The following SYNE2 variants were observed in gnomAD, a reference collection of about 807,000 sequenced individuals.
SYNE2 encodes the protein nesprin-2.
A neutral mutation model predicts 856.3 loss-of-function variants in SYNE2; 431 were observed. The ratio of observed to expected loss-of-function variants is 0.50; its 90% CI spans 0.47 to 0.55. The LOEUF (loss-of-function observed/expected upper bound fraction) is 0.55, where lower values mean the gene tolerates loss of function less well. Ranked by LOEUF, SYNE2 falls within the 20% of genes least tolerant of loss-of-function variation. The pLI is 0.00. For synonymous variants in SYNE2, 2,923 were observed against 2,872.3 expected (o/e 1.02, Z -0.56); for missense variants, 8,129 against 8,023.2 (o/e 1.01, Z -0.50).
chr14:63,765,513 C>T (rs1274426062), intron 1 of SYNE2, among the ~76,000 whole-genome samples: 2 of 152,034 alleles, frequency 1.3e-5, no homozygotes, highest in African/African-American at 2.4e-5. Context: ...CCACCATGCC[C>T]GGCTAATTTT....
rs146801942 is a variant in SYNE2, at chr14:64,017,619, T to C, written c.4912T>C (p.Tyr1638His). 1,468 of 1,612,654 alleles carry C rather than the reference T, an allele frequency of 9.1e-4. 1 individual carries two copies. Among genetic ancestry groups the C allele is most frequent in the Non-Finnish European group, 1.1e-3 (1,346 of 1,179,042 alleles). The stretch of plus-strand genomic sequence containing the variant: ...GATAAATGAGAAGACAGAAGATTAC[T>C]ATGAAAATCTTGGTCGAGCTCTAGC... ...LDINEKTEDY[Y>H]ENLGRALALW... is the part of the protein sequence containing the mutation. The change falls in exon 34 of 116, where the codon TAT becomes CAT. Residue 1638 changes from tyrosine to histidine, a missense_variant. Physicochemically the swap from Tyr to His is moderately conservative, Grantham distance 83. This residue lies in a region of SYNE2 where 2,422 missense variants were observed against 2,357.4 expected (regional missense o/e 1.03). Coordinates refer to ENST00000555002, the MANE Select transcript of SYNE2 (RefSeq NM_182914.3).
intron 83 of SYNE2, among the ~76,000 whole-genome samples, chr14:64,145,585 A>G (rs561317201): frequency 3.3e-5 from 5 of 152,204 alleles, no homozygotes; most frequent in African/African-American, 9.6e-5. Flanking sequence ...ATGTGTGTAT[A>G]TTATGATTAT....
At chr14:63,817,807 T>C (rs892489155) in intron 1 of SYNE2, among the ~76,000 whole-genome samples, 1 of 149,392 alleles carries the variant, frequency 6.7e-6, no homozygotes, top group Non-Finnish European at 1.5e-5. Flanking sequence ...GAGGATTGCT[T>C]GAGCCCAGGA....
At chr14:63,882,436 G>C (rs532945189) in intron 1 of SYNE2, among the ~76,000 whole-genome samples, 1 of 151,948 alleles carries the variant, frequency 6.6e-6, no homozygotes, top group Non-Finnish European at 1.5e-5. Context: ...TGTGGAGGCC[G>C]GGTGAGCGGT....
intron 49 of SYNE2, among the ~76,000 whole-genome samples, chr14:64,058,599 C>G (rs532900963): frequency 6.6e-6 from 1 of 152,290 alleles, no homozygotes; most frequent in Non-Finnish European, 1.5e-5. Flanking sequence ...CTTGCCTCAG[C>G]CTCCCAGGTA....
At chr14:63,766,056 G>C (rs1886670579) in intron 1 of SYNE2, among the ~76,000 whole-genome samples, 1 of 150,628 alleles carries the variant, frequency 6.6e-6, no homozygotes, top group Non-Finnish European at 1.5e-5. Context: ...AACTACTCTT[G>C]CATGGATAAA....
chr14:63,948,147 A>G (rs1362047983), intron 6 of SYNE2, among the ~76,000 whole-genome samples: 1 of 105,410 alleles, frequency 9.5e-6, no homozygotes, highest in Admixed American at 1.1e-4. Context: ...GCGCGCACAT[A>G]CACACACAGA....
chr14:63,802,421 G>T (rs962398815), intron 1 of SYNE2, among the ~76,000 whole-genome samples: 5 of 151,956 alleles, frequency 3.3e-5, no homozygotes, highest in African/African-American at 1.2e-4. Context: ...ACTTGTTTTT[G>T]ATTTTACAGG....
chr14:63,998,828 G>T, intron 26 of SYNE2, 86 bp from the exon 27 acceptor site: 1 of 1,513,136 alleles, frequency 6.6e-7, no homozygotes, highest in Non-Finnish European at 9.1e-7. Flanking sequence ...CTCCCAAAGT[G>T]CTAGGATTAC....
At chr14:64,122,178 C>T (rs370490820) in intron 69 of SYNE2, 45 bp downstream of exon 69, 15 of 1,613,930 alleles carry the variant, frequency 9.3e-6, no homozygotes, top group Non-Finnish European at 1.3e-5. Context: ...GGTTTTATGA[C>T]TGGGAGAATT....
At chr14:63,961,668 C>G in intron 9 of SYNE2, 43 bp downstream of exon 9, 1 of 1,382,942 alleles carries the variant, frequency 7.2e-7, no homozygotes, top group South Asian at 1.2e-5. Context: ...TTAGTTGTAT[C>G]CTGCTAATGG....
rs980691399 is a variant in SYNE2 at position 64,084,881 on chromosome 14, C to T, written c.11485-2790C>T. 2.4e-5 allele frequency: 17 copies of T among 694,822 alleles called. No individual in the cohort carries two copies. In the Admixed American group the frequency reaches 2.8e-4, roughly 12 times the overall value. 43.0% of individuals were successfully genotyped at this position (694,822 alleles called of 1,614,324 possible). A position where few individuals can be genotyped will look rare whatever the true frequency, so the allele number is the denominator to read the frequency against. ...GCTGCAGGCTCATCTGAAGGCTCGACTTGTGTGAGGGAGGAGGTGGGATCT... is the reference window on the plus strand; with the variant it reads ...GCTGCAGGCTCATCTGAAGGCTCGATTTGTGTGAGGGAGGAGGTGGGATCT... On this transcript the variant is annotated intron_variant, in intron 57 of 115. Transcript: ENST00000555002.
At chr14:64,164,087 CTTATTTAT>C (rs59794233) in intron 89 of SYNE2, among the ~76,000 whole-genome samples, 2,085 of 137,802 alleles carry the variant, frequency 0.015, 48 homozygotes, top group African/African-American at 0.053. Flanking sequence ...GCCTGGCTTG[CTTATTTAT>C]TTATTTATTT....
chr14:64,225,400 GCTGCTGCTGCTCCTGGCCTGC>G lies in SYNE2; in HGVS notation c.20606_20626del (p.Leu6869_Leu6875del). The G allele has an allele frequency of 1.2e-6, 2 of 1,613,542 alleles. No individual in the cohort carries two copies. Among genetic ancestry groups the G allele is most frequent in the Non-Finnish European group, 1.7e-6 (2 of 1,179,716 alleles). ...CCCTACCCCTGCAGCTGCTCCTCCTGCTGCTGCTGCTCCTGGCCTGCCTGCTGCCCTCCTCCGAAGAAGACT... is the reference window on the plus strand; with the variant it reads ...CCCTACCCCTGCAGCTGCTCCTCCTGCTGCTGCCCTCCTCCGAAGAAGACT... On this transcript the variant is annotated inframe_deletion, in exon 116 of 116. Coordinates refer to ENST00000555002, the MANE Select transcript of SYNE2 (RefSeq NM_182914.3).
intron 96 of SYNE2, among the ~76,000 whole-genome samples, chr14:64,183,990 A>G (rs2098475584): frequency 1.5e-5 from 2 of 132,754 alleles, no homozygotes; most frequent in Admixed American, 7.7e-5. Context: ...GGGGAGGGGG[A>G]GAGGGAGAGG....
At chr14:64,217,418 C>T (rs1211052304) in intron 108 of SYNE2, among the ~76,000 whole-genome samples, 1 of 152,212 alleles carries the variant, frequency 6.6e-6, no homozygotes, top group Non-Finnish European at 1.5e-5. Context: ...CCTAGGGCAG[C>T]AGCGAGAGAA....
intron 2 of SYNE2, among the ~76,000 whole-genome samples, chr14:63,937,177 A>G (rs1465335456): frequency 6.6e-6 from 1 of 152,150 alleles, no homozygotes; most frequent in African/African-American, 2.4e-5. Context: ...GCAGGGACCT[A>G]ATCGGTATGG....
rs1454688156 is a variant in SYNE2 at position 63,948,782 on chromosome 14, G to GTGTGTGTC, written c.409-1042_409-1041insGTGTGTCT. 1.1e-3 allele frequency among the ~76,000 whole-genome samples: 47 copies of GTGTGTGTC among 43,900 alleles called. 3 individuals carry two copies. Among genetic ancestry groups the GTGTGTGTC allele is most frequent in the African/African-American group, 3.7e-3 (46 of 12,428 alleles). 28.8% of individuals were successfully genotyped at this position (43,900 alleles called of 152,430 possible). On this transcript the variant is annotated intron_variant, in intron 6 of 115. Coordinates refer to ENST00000555002, the MANE Select transcript of SYNE2 (RefSeq NM_182914.3). ...TATGTATATATATGTATGTGTGTGT[G>GTGTGTGTC]TATATATATATATATATATATATAT...
At chr14:64,055,166 CAT>C (rs1321710253) in intron 48 of SYNE2, among the ~76,000 whole-genome samples, 1 of 152,124 alleles carries the variant, frequency 6.6e-6, no homozygotes, top group Admixed American at 6.5e-5. Context: ...AGTTTAAAAA[CAT>C]AAAAGGTCTA....
Sources: gnomAD v4.1 joint callset for allele counts (sites outside exome capture counted in the v4.1 genomes callset) on GRCh38, gnomAD v4.1.1 for gene constraint, gnomAD v4.1.1 regional missense constraint, MANE v1.5 for transcripts, NCBI Gene and HGNC (gene_info 2026-07-23, HGNC 2026-07-21) for gene names.